Variants in KIAA1549L observed in about 807,000 individuals in gnomAD.
KIAA1549L encodes KIAA1549 like.
KIAA1549L carries 88 observed loss-of-function variants against 160.7 expected under a neutral mutation model. That is an observed-to-expected ratio of 0.55 (90% CI 0.46 to 0.65). The LOEUF (loss-of-function observed/expected upper bound fraction) is 0.65, where lower values mean the gene tolerates loss of function less well. Among genes scored for constraint, KIAA1549L ranks in the 30% least tolerant of loss-of-function variants. KIAA1549L has a pLI of 0.00. For missense variants in KIAA1549L, 2,258 were observed against 2,437.5 expected (o/e 0.93, Z 1.55); for synonymous variants, 950 against 976.7 (o/e 0.97, Z 0.51).
At chr11:33,426,363 T>C (rs1309080390) in intron 1 of KIAA1549L, among the ~76,000 whole-genome samples, 1 of 152,184 alleles carries the variant, frequency 6.6e-6, no homozygotes, top group Non-Finnish European at 1.5e-5. Context: ...GGGGGTTTCA[T>C]TTCTTGCATA....
Position 33,658,909 on chromosome 11 carries a change from GA to G in KIAA1549L, c.6007+15del. On this transcript the variant is annotated intron_variant, in intron 19 of 20. Coordinates refer to ENST00000658780, the MANE Select transcript of KIAA1549L (RefSeq NM_012194.3). Reference sequence around the variant, plus strand: ...CTTTAAATTACTCAGGTGGGCAAGAGAAAAGCCCGAGTGTGCCCCCCACCAC... The same window carrying G: ...CTTTAAATTACTCAGGTGGGCAAGAGAAAGCCCGAGTGTGCCCCCCACCAC... 6.5e-7 allele frequency: 1 copy of G among 1,539,524 alleles called. No homozygotes were observed. The highest frequency in any genetic ancestry group is 8.8e-7 in the Non-Finnish European group (1 of 1,140,470).
At chr11:33,600,672 G>A (rs911640065) in intron 13 of KIAA1549L, among the ~76,000 whole-genome samples, 5 of 151,736 alleles carry the variant, frequency 3.3e-5, no homozygotes, top group Non-Finnish European at 7.4e-5. Flanking sequence ...AGAGGACCCC[G>A]AATAACTCAA....
chr11:33,614,219 T>C (rs967570943), intron 15 of KIAA1549L, among the ~76,000 whole-genome samples: 3 of 152,090 alleles, frequency 2.0e-5, no homozygotes, highest in African/African-American at 7.2e-5. Context: ...GGGGCCTTGC[T>C]GACCCCAGAG....
chr11:33,639,873 C>T (rs7106651), intron 16 of KIAA1549L, among the ~76,000 whole-genome samples: 104,075 of 152,116 alleles, frequency 0.68, 36,736 homozygotes, highest in African/African-American at 0.88. Flanking sequence ...AGGATACTTA[C>T]TCCAGCTTTG....
At position 33,559,890 on chromosome 11, in the gene KIAA1549L, C is replaced by G. The variant is rs1363220168; in HGVS notation, c.3997C>G (p.Pro1333Ala). ...AELVGFYLTY[P>A]PLTIAEPLEY... is the part of the protein sequence containing the mutation. ...GCTGGTGGGATTCTACCTCACCTATCCGCCGCTAACCATTGCTGAACGTGA... is the reference window on the plus strand; with the variant it reads ...GCTGGTGGGATTCTACCTCACCTATGCGCCGCTAACCATTGCTGAACGTGA... Residue 1333 changes from proline to alanine, a missense_variant, in exon 7 of 21, where the codon CCG becomes GCG. Around this residue, in one of 6 missense-constraint regions of KIAA1549L, gnomAD observed 1,359 missense variants for 1,546.6 expected, o/e 0.88. Coordinates refer to ENST00000658780, the MANE Select transcript of KIAA1549L (RefSeq NM_012194.3). The G allele has an allele frequency of 6.2e-7, 1 of 1,614,008 alleles. No homozygotes were observed. The highest frequency in any genetic ancestry group is 1.3e-5 in the African/African-American group (1 of 75,068).
intron 1 of KIAA1549L, among the ~76,000 whole-genome samples, chr11:33,454,890 T>C (rs1329006630): frequency 1.3e-5 from 2 of 151,908 alleles, no homozygotes; most frequent in Non-Finnish European, 2.9e-5. Context: ...GAGATCCAGA[T>C]CATCCTGGAT....
intron 1 of KIAA1549L, among the ~76,000 whole-genome samples, chr11:33,394,461 C>T (rs1305986867): frequency 6.6e-6 from 1 of 151,852 alleles, no homozygotes. Context: ...CAAAATGAAA[C>T]ATCACTTAAA....
intron 8 of KIAA1549L, among the ~76,000 whole-genome samples, chr11:33,562,092 T>G (rs990044754): frequency 2.3e-4 from 35 of 152,178 alleles, no homozygotes; most frequent in African/African-American, 8.4e-4. Context: ...AAACCCAAAT[T>G]AAAGTTAGAG....
intron 1 of KIAA1549L, among the ~76,000 whole-genome samples, chr11:33,410,587 G>A (rs776428845): frequency 6.6e-6 from 1 of 152,144 alleles, no homozygotes; most frequent in African/African-American, 2.4e-5. Flanking sequence ...AGTCTTCATG[G>A]CTTTTAACCT....
rs150740949 is a variant in KIAA1549L, at chr11:33,532,389, G to GATA, written c.239-9405_239-9403dup. Among the ~76,000 whole-genome samples, 610 of 152,264 alleles carry GATA rather than the reference G, an allele frequency of 4.0e-3. 3 individuals carry two copies. Among genetic ancestry groups the GATA allele is most frequent in the South Asian group, 0.025 (119 of 4,820 alleles). Reference sequence around the variant, plus strand: ...GCCTAGCCTGGACTGAACAAATAATGATAATAATAACAGCAACAGTAGTAA... The same window carrying GATA: ...GCCTAGCCTGGACTGAACAAATAATGATAATAATAATAACAGCAACAGTAGTAA... On this transcript the variant is annotated intron_variant, in intron 1 of 20. Transcript: ENST00000658780.
intron 8 of KIAA1549L, among the ~76,000 whole-genome samples, chr11:33,563,635 A>G (rs1854950286): frequency 6.6e-6 from 1 of 152,220 alleles, no homozygotes; most frequent in Admixed American, 6.5e-5. Flanking sequence ...CTGCAGAGCC[A>G]TCGGTATGCA....
At chr11:33,526,190 G>A (rs2133136426) in intron 1 of KIAA1549L, among the ~76,000 whole-genome samples, 1 of 152,228 alleles carries the variant, frequency 6.6e-6, no homozygotes, top group East Asian at 1.9e-4. Flanking sequence ...CTTGAAAAGT[G>A]CCACCTCCTG....
chr11:33,608,226 G>A (rs1427588499), intron 14 of KIAA1549L, among the ~76,000 whole-genome samples: 1 of 152,214 alleles, frequency 6.6e-6, no homozygotes, highest in Admixed American at 6.5e-5. Context: ...AAATAGGGCT[G>A]CTGTGAAGAT....
intron 1 of KIAA1549L, among the ~76,000 whole-genome samples, chr11:33,522,643 C>T (rs941061072): frequency 6.6e-6 from 1 of 152,110 alleles, no homozygotes; most frequent in Non-Finnish European, 1.5e-5. Flanking sequence ...TGCCTGTAAT[C>T]CCAGCACTTT....
At chr11:33,606,149 C>T (rs778815266) in intron 13 of KIAA1549L, among the ~76,000 whole-genome samples, 1 of 152,062 alleles carries the variant, frequency 6.6e-6, no homozygotes, top group Non-Finnish European at 1.5e-5. Context: ...GAATGTCAGC[C>T]ACTATAACTG....
intron 16 of KIAA1549L, among the ~76,000 whole-genome samples, chr11:33,625,132 C>A (rs1851068466): frequency 6.6e-6 from 1 of 151,560 alleles, no homozygotes; most frequent in Non-Finnish European, 1.5e-5. Flanking sequence ...TGTATATGTG[C>A]CACATTTTCT....
rs796352704 is a variant in KIAA1549L at position 33,397,710 on chromosome 11, T to A, written c.238+20821T>A. On this transcript the variant is annotated intron_variant, in intron 1 of 20. Coordinates refer to ENST00000658780, the MANE Select transcript of KIAA1549L (RefSeq NM_012194.3). ...CTGGGCGACAGAGCGAGACTCCATCTCACACACACACACACACACACACAC... is the reference window on the plus strand; with the variant it reads ...CTGGGCGACAGAGCGAGACTCCATCACACACACACACACACACACACACAC... 4.5e-3 allele frequency among the ~76,000 whole-genome samples: 645 copies of A among 142,998 alleles called. 3 individuals carry two copies. Among genetic ancestry groups the A allele is most frequent in the African/African-American group, 0.015 (563 of 37,964 alleles). 93.8% of individuals were successfully genotyped at this position (142,998 alleles called of 152,430 possible). A position where few individuals can be genotyped will look rare whatever the true frequency, so the allele number is the denominator to read the frequency against.
In KIAA1549L at chr11:33,480,044, TTG is replaced by T. The variant is rs368086773; in HGVS notation, c.239-61739_239-61738del. On this transcript the variant is annotated intron_variant, in intron 1 of 20. Transcript: ENST00000658780. ...GTTGGAGGGAGGTTCATATTAATGA[TTG>T]TGTGTGTGTGTGTGTGTGCACGCGT... 4.2e-4 allele frequency among the ~76,000 whole-genome samples: 63 copies of T among 149,968 alleles called. 1 individual carries two copies. Among genetic ancestry groups the T allele is most frequent in the Middle Eastern group, 3.5e-3 (1 of 286 alleles).
chr11:33,438,134 G>C (rs1306712761), intron 1 of KIAA1549L, among the ~76,000 whole-genome samples: 1 of 152,092 alleles, frequency 6.6e-6, no homozygotes, highest in Admixed American at 6.5e-5. Flanking sequence ...ATTTTAGAAG[G>C]AGCTATACTA....
Sources: allele counts gnomAD v4.1 joint callset (sites outside exome capture counted in the v4.1 genomes callset), GRCh38; gene constraint gnomAD v4.1.1; regional missense constraint gnomAD v4.1.1; transcripts MANE v1.5; gene names NCBI Gene and HGNC (gene_info 2026-07-23, HGNC 2026-07-21).